Variants in HGSNAT observed in about 807,000 individuals in gnomAD.
The protein encoded by HGSNAT is heparan-alpha-glucosaminide N-acetyltransferase, also known as transmembrane protein 76.
In HGSNAT, 59 loss-of-function variants were observed where a neutral mutation model predicts 85.2. That is an observed-to-expected ratio of 0.69 (90% CI 0.56 to 0.86). The LOEUF is 0.86. HGSNAT is among the 40% of genes least tolerant of loss of function. The pLI, the probability that HGSNAT is intolerant of heterozygous loss-of-function variation, is 0.00. For missense variants in HGSNAT, 756 were observed against 777.1 expected (o/e 0.97, Z 0.32); for synonymous variants, 321 against 304.5 (o/e 1.05, Z -0.56).
rs76562142 is a variant in HGSNAT at position 43,178,342 on chromosome 8, A to G, written c.1012+108A>G. 1.5e-3 allele frequency: 1,189 copies of G among 773,608 alleles called. 15 individuals are homozygous for G. The African/African-American group carries it at 0.019, about 12-fold the overall frequency. The allele number at this position is 773,608 out of a possible 1,614,324, so 47.9% of individuals were successfully genotyped here. A position where few individuals can be genotyped will look rare whatever the true frequency, so the allele number is the denominator to read the frequency against. ...TCCATCTCAGGTGCCTGCAAATAGAATAATCATTAGGAAAGTATATACAAT... is the reference window on the plus strand; with the variant it reads ...TCCATCTCAGGTGCCTGCAAATAGAGTAATCATTAGGAAAGTATATACAAT... On this transcript the variant is annotated intron_variant, in intron 10 of 17. Coordinates refer to ENST00000379644, the MANE Select transcript of HGSNAT (RefSeq NM_152419.3).
intron 1 of HGSNAT, among the ~76,000 whole-genome samples, chr8:43,141,997 C>T (rs1802565957): frequency 6.6e-6 from 1 of 152,116 alleles, no homozygotes; most frequent in African/African-American, 2.4e-5. Flanking sequence ...TCACCTGGAG[C>T]CCATGTTTGG....
intron 11 of HGSNAT, 90 bp downstream of exon 11, chr8:43,182,350 C>A (rs770425369): frequency 9.4e-7 from 1 of 1,061,326 alleles, no homozygotes; most frequent in Non-Finnish European, 1.5e-6. Context: ...GTTGTCCAGA[C>A]TGGTCCCTCA....
Position 43,194,052 on chromosome 8 carries a change from C to CA in HGSNAT, c.1464+216dup, listed in dbSNP as rs3842205. On this transcript the variant is annotated intron_variant, in intron 14 of 17. Transcript: ENST00000379644. The stretch of plus-strand genomic sequence containing the variant: ...TAATTAGATATAATTCTTATATTCT[C>CA]AAAAAAATTCTTACTTATATGGCTT... The CA allele has an allele frequency of 0.86, 1,104,769 of 1,283,256 alleles. 482,551 individuals carry two copies. Among genetic ancestry groups the CA allele is most frequent in the Non-Finnish European group, 0.89 (904,850 of 1,011,216 alleles). 79.5% of individuals were successfully genotyped at this position (1,283,256 alleles called of 1,614,324 possible).
rs1803878300 is a variant in HGSNAT, at chr8:43,178,137, T to C, written c.915T>C (p.Cys305=). 3.1e-6 allele frequency: 5 copies of C among 1,607,456 alleles called. No homozygotes were observed. The East Asian group carries it at 1.1e-4, about 36-fold the overall frequency. The change falls in exon 10 of 18, where the codon TGT becomes TGC. Residue 305 remains cysteine, a synonymous_variant. Coordinates refer to ENST00000379644, the MANE Select transcript of HGSNAT (RefSeq NM_152419.3). ...TGACTTCTATACTGCAACGGGGGTGTTCAAAATTCAGATTGCTGGGGAAGA... is the reference window on the plus strand; with the variant it reads ...TGACTTCTATACTGCAACGGGGGTGCTCAAAATTCAGATTGCTGGGGAAGA... The part of the protein sequence containing the change: ...LSMTSILQRG[C]SKFRLLGKIA...
intron 15 of HGSNAT, chr8:43,197,418 C>A: frequency 1.8e-6 from 1 of 557,186 alleles, no homozygotes; most frequent in South Asian, 2.4e-5. Context: ...AGCCATGCCT[C>A]CTCTTCAGAG....
chr8:43,183,351 G>A (rs1804198512), intron 11 of HGSNAT, among the ~76,000 whole-genome samples: 1 of 151,874 alleles, frequency 6.6e-6, no homozygotes, highest in African/African-American at 2.4e-5. Flanking sequence ...ATTTATTGTA[G>A]AGACGAGGTT....
chr8:43,169,418 C>G (rs1803541919), intron 6 of HGSNAT, among the ~76,000 whole-genome samples, 176 bp downstream of exon 6: 1 of 152,222 alleles, frequency 6.6e-6, no homozygotes, highest in Admixed American at 6.5e-5. Context: ...AGGGCTCCAT[C>G]CCTTCTCTTG....
intron 11 of HGSNAT, among the ~76,000 whole-genome samples, chr8:43,183,189 CAG>C (rs962138602): frequency 2.0e-5 from 3 of 152,216 alleles, no homozygotes; most frequent in Admixed American, 1.3e-4. Flanking sequence ...TTCTTGGAGA[CAG>C]GGTCTCACTC....
rs117256780 is a variant in HGSNAT, at chr8:43,158,500, G to A, written c.235-75G>A. 20,976 of 1,490,510 alleles carry A rather than the reference G, an allele frequency of 0.014. 225 individuals are homozygous for A. The highest frequency in any genetic ancestry group is 0.014 in the Non-Finnish European group (15,453 of 1,072,894). The allele number at this position is 1,490,510 out of a possible 1,614,324, so 92.3% of individuals were successfully genotyped here. ...AAAGTCATGTCAGGATCTCCAGTTG[G>A]ATATTTATGTCCTCCAGCAATCAAC... On this transcript the variant is annotated intron_variant, in intron 2 of 17. Transcript: ENST00000379644.
intron 5 of HGSNAT, among the ~76,000 whole-genome samples, chr8:43,163,158 C>T (rs909314851): frequency 1.3e-5 from 2 of 152,136 alleles, no homozygotes; most frequent in Admixed American, 1.3e-4. Context: ...TGAGATTGTG[C>T]CACTGCATTC....
At chr8:43,189,691 G>A (rs1445701853) in intron 11 of HGSNAT, among the ~76,000 whole-genome samples, 1 of 152,158 alleles carries the variant, frequency 6.6e-6, no homozygotes, top group African/African-American at 2.4e-5. Context: ...CTTCTGCGTC[G>A]CTCACACTGG....
chr8:43,146,317 T>A (rs1428873519), intron 1 of HGSNAT, among the ~76,000 whole-genome samples: 1 of 152,290 alleles, frequency 6.6e-6, no homozygotes, highest in East Asian at 1.9e-4. Context: ...TCTCAAACTT[T>A]CAAGACACGT....
chr8:43,147,294 G>A (rs1160093508), intron 2 of HGSNAT, among the ~76,000 whole-genome samples: 1 of 152,146 alleles, frequency 6.6e-6, no homozygotes, highest in East Asian at 1.9e-4. Context: ...AGTTCTCAGG[G>A]ATGAACAACC....
chr8:43,152,021 G>A (rs1802937108), intron 2 of HGSNAT, among the ~76,000 whole-genome samples: 1 of 152,208 alleles, frequency 6.6e-6, no homozygotes, highest in African/African-American at 2.4e-5. Context: ...GGATGCAGTG[G>A]TTCATACGTC....
At position 43,199,512 on chromosome 8, in the gene HGSNAT, C is replaced by T. The variant is rs1804850180; in HGVS notation, c.1851C>T (p.Ala617=). The T allele has an allele frequency of 1.2e-6, 2 of 1,608,418 alleles. No individual in the cohort carries two copies. Among genetic ancestry groups the T allele is most frequent in the Non-Finnish European group, 1.7e-6 (2 of 1,177,160 alleles). Residue 617 remains alanine (A), a synonymous_variant, in exon 18 of 18, where the codon GCC becomes GCT. Transcript: ENST00000379644. The stretch of plus-strand genomic sequence containing the variant: ...TGACTCAGAACATCGTCGCCACTGC[C>T]CTCTGGGTGCTCATTGCCTACATCC... ...EHLTQNIVAT[A]LWVLIAYILY...
chr8:43,141,014 A>G (rs969154523), intron 1 of HGSNAT, among the ~76,000 whole-genome samples: 6 of 152,178 alleles, frequency 3.9e-5, no homozygotes. Flanking sequence ...CCCTGCACCC[A>G]GTCCACTGTT....
chr8:43,174,043 C>G (rs1427841602), intron 9 of HGSNAT: 1 of 207,572 alleles, frequency 4.8e-6, no homozygotes, highest in Admixed American at 5.6e-5. Context: ...TGGTGAAACT[C>G]TGTCTCTACT....
chr8:43,189,884 C>T (rs1025379109), intron 11 of HGSNAT, among the ~76,000 whole-genome samples: 1 of 152,180 alleles, frequency 6.6e-6, no homozygotes, highest in African/African-American at 2.4e-5. Context: ...GGAGCCACCG[C>T]GTCTGGCCGC....
At chr8:43,165,283 A>G (rs946744433) in intron 5 of HGSNAT, among the ~76,000 whole-genome samples, 5 of 152,098 alleles carry the variant, frequency 3.3e-5, no homozygotes, top group Admixed American at 6.6e-5. Context: ...TTGGGATGCC[A>G]TGAACCCTGC....
Sources: gnomAD v4.1 joint callset for allele counts (sites outside exome capture counted in the v4.1 genomes callset) on GRCh38, gnomAD v4.1.1 for gene constraint, MANE v1.5 for transcripts, NCBI Gene and HGNC (gene_info 2026-07-23, HGNC 2026-07-21) for gene names.